Variants in KANSL1 observed in about 807,000 individuals in gnomAD.
KANSL1 encodes the protein KAT8 regulatory NSL complex subunit 1, also known as MLL1/MLL complex subunit KANSL1.
A neutral mutation model predicts 103.6 loss-of-function variants in KANSL1; 22 were observed. The observed-to-expected ratio is 0.21, with a 90% CI of 0.15 to 0.30. KANSL1 has a LOEUF of 0.30. Among genes scored for constraint, KANSL1 ranks in the 10% least tolerant of loss-of-function variants. The pLI is 1.00. For synonymous variants in KANSL1, 600 were observed against 527.6 expected, an observed-to-expected ratio of 1.14 and a Z score of -1.88; for missense variants, 1,337 against 1,399.8, an observed-to-expected ratio of 0.96 and a Z score of 0.72.
At chr17:46,150,567 C>A (rs2045035579) in intron 2 of KANSL1, among the ~76,000 whole-genome samples, 1 of 152,208 alleles carries the variant, frequency 6.6e-6, no homozygotes, top group South Asian at 2.1e-4. Flanking sequence ...AATATTCCTA[C>A]AACTAAATTC....
chr17:46,176,331 A>AG (rs1344145497), intron 1 of KANSL1, among the ~76,000 whole-genome samples: 3 of 152,272 alleles, frequency 2.0e-5, no homozygotes, highest in Non-Finnish European at 4.4e-5. Context: ...TAAACTTCTC[A>AG]AAGTTATTCT....
At chr17:46,124,863 C>G (rs1293615506) in intron 2 of KANSL1, among the ~76,000 whole-genome samples, 1 of 151,362 alleles carries the variant, frequency 6.6e-6, no homozygotes, top group East Asian at 1.9e-4. Context: ...GAAACAGATG[C>G]AAAGTTAAGT....
At chr17:46,133,030 T>A (rs1465549593) in intron 2 of KANSL1, among the ~76,000 whole-genome samples, 2 of 152,134 alleles carry the variant, frequency 1.3e-5, no homozygotes, top group South Asian at 4.1e-4. Context: ...TTGTTTAGGG[T>A]CCATTATATG....
intron 1 of KANSL1, among the ~76,000 whole-genome samples, chr17:46,211,210 C>A (rs1338574240): frequency 1.9e-5 from 2 of 103,674 alleles, no homozygotes; most frequent in Admixed American, 1.3e-4. Flanking sequence ...TCCCTAAAGA[C>A]AATGTGATGT....
At chr17:46,168,379 C>T (rs1185131809) in intron 2 of KANSL1, among the ~76,000 whole-genome samples, 2 of 148,976 alleles carry the variant, frequency 1.3e-5, no homozygotes, top group African/African-American at 5.0e-5. Flanking sequence ...GACGGAGTTT[C>T]GCTCGTTGCC....
At chr17:46,158,086 A>G (rs2045527531) in intron 2 of KANSL1, among the ~76,000 whole-genome samples, 1 of 152,272 alleles carries the variant, frequency 6.6e-6, no homozygotes, top group Non-Finnish European at 1.5e-5. Flanking sequence ...TGAATCAATG[A>G]AGTATTCAAC....
chr17:46,174,645 TAA>T (rs1248600721), intron 1 of KANSL1, among the ~76,000 whole-genome samples: 1 of 152,240 alleles, frequency 6.6e-6, no homozygotes, highest in Non-Finnish European at 1.5e-5. Context: ...CATGCATGGG[TAA>T]AAAGTTTAAG....
In KANSL1 at chr17:46,050,615, G is replaced by C; in HGVS notation, c.1938C>G (p.Pro646=). Residue 646 remains proline, a synonymous_variant, in exon 7 of 15, where the codon CCC becomes CCG. Coordinates refer to ENST00000432791, the MANE Select transcript of KANSL1 (RefSeq NM_015443.4). ...ACAGAGGGGCTTCATAGTGAATTTC[G>C]GGAGGCATGGTGTTGATGCTGCCTG... ...CGSGSINTMP[P]EIHYEAPLLE... is the part of the protein sequence containing the mutation. 1 of 1,614,114 alleles carries C rather than the reference G, an allele frequency of 6.2e-7. No homozygotes were observed. The highest frequency in any genetic ancestry group is 8.5e-7 in the Non-Finnish European group (1 of 1,180,020).
intron 2 of KANSL1, among the ~76,000 whole-genome samples, chr17:46,149,302 G>A (rs928485286): frequency 4.6e-5 from 7 of 152,192 alleles, no homozygotes; most frequent in Admixed American, 1.3e-4. Flanking sequence ...CGCCCAGCCT[G>A]CCTCTTTTTT....
intron 2 of KANSL1, among the ~76,000 whole-genome samples, chr17:46,120,855 A>C (rs572415675): frequency 6.6e-6 from 1 of 152,322 alleles, no homozygotes; most frequent in East Asian, 1.9e-4. Context: ...ATACCAAAAA[A>C]TACAGCTAGA....
chr17:46,050,976 A>G (rs2077692324), intron 6 of KANSL1, among the ~76,000 whole-genome samples: 1 of 152,252 alleles, frequency 6.6e-6, no homozygotes, highest in Non-Finnish European at 1.5e-5. Context: ...GTGCTTACCT[A>G]GGTATCAAAC....
chr17:46,052,947 G>GAGTA (rs1287868827), intron 6 of KANSL1, among the ~76,000 whole-genome samples: 1 of 72,420 alleles, frequency 1.4e-5, no homozygotes, highest in African/African-American at 5.9e-5. Flanking sequence ...CTGGGAAAAA[G>GAGTA]AGTAAGATCC....
chr17:46,157,224 T>A (rs2147566569), intron 2 of KANSL1, among the ~76,000 whole-genome samples: 1 of 152,374 alleles, frequency 6.6e-6, no homozygotes, highest in African/African-American at 2.4e-5. Context: ...GTAACTCCCC[T>A]GATCACTGTT....
chr17:46,195,879 A>G (rs2047590716), upstream of KANSL1, among the ~76,000 whole-genome samples: 1 of 152,220 alleles, frequency 6.6e-6, no homozygotes, highest in Non-Finnish European at 1.5e-5. Flanking sequence ...CCCCCCAAAA[A>G]ATAGTGGATG....
chr17:46,149,360 G>A (rs2044943139), intron 2 of KANSL1, among the ~76,000 whole-genome samples: 1 of 152,206 alleles, frequency 6.6e-6, no homozygotes, highest in Non-Finnish European at 1.5e-5. Context: ...TTGACAGGAA[G>A]GCATGGGTTT....
intron 2 of KANSL1, among the ~76,000 whole-genome samples, chr17:46,166,613 C>T (rs17585608): frequency 0.14 from 21,950 of 152,132 alleles, 2,137 homozygotes; most frequent in Non-Finnish European, 0.22. Context: ...CATCCATAGT[C>T]TATTTTTACC....
intron 3 of KANSL1, chr17:46,092,925 A>G (rs1322151252): frequency 6.6e-6 from 1 of 152,218 alleles, no homozygotes; most frequent in Admixed American, 6.5e-5. Flanking sequence ...ACATCTTACA[A>G]TCAATAGCAT....
At chr17:46,049,932 T>C (rs1239420235) in intron 7 of KANSL1, 2 of 149,554 alleles carry the variant, frequency 1.3e-5, no homozygotes, top group African/African-American at 4.9e-5. Context: ...TTTTTTTTTT[T>C]TGAGACAGAG....
chr17:46,175,848 A>AT (rs1453112790), intron 1 of KANSL1, among the ~76,000 whole-genome samples: 1 of 152,264 alleles, frequency 6.6e-6, no homozygotes, highest in Non-Finnish European at 1.5e-5. Context: ...CTAATATATT[A>AT]TTAAACATTG....
Sources: allele counts gnomAD v4.1 joint callset (sites outside exome capture counted in the v4.1 genomes callset), GRCh38; gene constraint gnomAD v4.1.1; transcripts MANE v1.5; gene names NCBI Gene and HGNC (gene_info 2026-07-23, HGNC 2026-07-21).